Variants in PIP observed in about 807,000 individuals in gnomAD.
The protein encoded by PIP is prolactin induced protein, also known as prolactin-inducible protein.
PIP carries 9 observed loss-of-function variants against 12.8 expected under a neutral mutation model. That is an observed-to-expected ratio of 0.70 (90% CI 0.42 to 1.23). The LOEUF is 1.23. PIP is among the 50% of genes most tolerant of loss of function. The probability of loss-of-function intolerance (pLI) is 0.00; values close to 1 mark genes in which losing one functional copy is unlikely to be tolerated. For missense variants in PIP, 172 were observed against 179.5 expected (o/e 0.96, Z 0.24); for synonymous variants, 60 against 66.1 (o/e 0.91, Z 0.45).
rs1328040943 is a variant in PIP at position 143,138,680 on chromosome 7, ACG to A, written c.202-393_202-392del. On this transcript the variant is annotated intron_variant, in intron 2 of 3. Transcript: ENST00000291009. Reference sequence around the variant, plus strand: ...AACAAGGCCTGACATTGGCTCCTACACGCAAGTGGCCAGGCTGCTGTCTCACC... The same window carrying A: ...AACAAGGCCTGACATTGGCTCCTACACAAGTGGCCAGGCTGCTGTCTCACC... Among the ~76,000 whole-genome samples the A allele has an allele frequency of 1.2e-4, 18 of 152,216 alleles. No homozygotes were observed. The East Asian group carries it at 3.5e-3, about 29-fold the overall frequency.
chr7:143,136,179 T>A (rs1480961118), intron 2 of PIP, among the ~76,000 whole-genome samples: 1 of 151,974 alleles, frequency 6.6e-6, no homozygotes, highest in East Asian at 1.9e-4. Flanking sequence ...TTCCTAGTCA[T>A]TGATCTCAGA....
At position 143,132,105 on chromosome 7, in the gene PIP, G is replaced by A. The variant is rs748732118; in HGVS notation, c.-12G>A. ...ACTTCTCTGGGACACATTGCCTTCT[G>A]TTTTCTCCAGCATGCGCTTGCTCCA... On this transcript the variant is annotated 5_prime_UTR_variant, in exon 1 of 4. Coordinates refer to ENST00000291009, the MANE Select transcript of PIP (RefSeq NM_002652.3). The A allele has an allele frequency of 4.6e-5, 74 of 1,612,774 alleles. 1 individual carries two copies. The highest frequency in any genetic ancestry group is 6.7e-5 in the Admixed American group (4 of 59,928).
intron 1 of PIP, among the ~76,000 whole-genome samples, chr7:143,132,609 A>T (rs190830964): frequency 6.6e-6 from 1 of 152,268 alleles, no homozygotes; most frequent in African/African-American, 2.4e-5. Flanking sequence ...TTCCAATGGC[A>T]GCTTAGGGCA....
chr7:143,133,145 A>C (rs892771747), intron 1 of PIP, among the ~76,000 whole-genome samples: 2 of 151,980 alleles, frequency 1.3e-5, no homozygotes, highest in African/African-American at 4.8e-5. Context: ...AAGCTATGCT[A>C]ATTAGGTTAT....
intron 2 of PIP, among the ~76,000 whole-genome samples, chr7:143,137,476 A>G (rs1799320362): frequency 1.3e-5 from 2 of 152,174 alleles, no homozygotes; most frequent in Non-Finnish European, 2.9e-5. Context: ...TTGAAGAAGT[A>G]CATTAAACTG....
intron 2 of PIP, among the ~76,000 whole-genome samples, chr7:143,138,757 G>T (rs1799335158): frequency 6.6e-6 from 1 of 152,146 alleles, no homozygotes; most frequent in Admixed American, 6.5e-5. Flanking sequence ...ACCTCTGGCT[G>T]GTGACTAAGG....
intron 1 of PIP, among the ~76,000 whole-genome samples, chr7:143,134,731 G>T (rs2116567703): frequency 6.6e-6 from 1 of 152,046 alleles, no homozygotes; most frequent in South Asian, 2.1e-4. Flanking sequence ...GTGGCATGTG[G>T]TATTGTACAT....
At chr7:143,133,739 A>T (rs1269756312) in intron 1 of PIP, among the ~76,000 whole-genome samples, 1 of 152,064 alleles carries the variant, frequency 6.6e-6, no homozygotes, top group Non-Finnish European at 1.5e-5. Flanking sequence ...CCTGGGGACC[A>T]CAGAAGGAGG....
Position 143,132,136 on chromosome 7 carries a change from T to C in PIP, c.20T>C (p.Leu7Pro). Residue 7 changes from leucine (L) to proline (P), a missense_variant, in exon 1 of 4, where the codon CTG becomes CCG. Leu to Pro is a moderately conservative substitution (Grantham distance 98). Coordinates refer to ENST00000291009, the MANE Select transcript of PIP (RefSeq NM_002652.3). The stretch of plus-strand genomic sequence containing the variant: ...TCCAGCATGCGCTTGCTCCAGCTCC[T>C]GTTCAGGGCCAGCCCTGCCACCCTG... Reference protein sequence around the residue: MRLLQLLFRASPATLLL... With the variant: MRLLQLPFRASPATLLL... 6.2e-7 allele frequency: 1 copy of C among 1,612,530 alleles called. No homozygotes were observed. Among genetic ancestry groups the C allele is most frequent in the African/African-American group, 1.3e-5 (1 of 75,028 alleles).
In PIP at chr7:143,139,507, G is replaced by A; in HGVS notation, c.317-11G>A. The A allele has an allele frequency of 1.9e-6, 3 of 1,613,144 alleles. No homozygotes were observed. Among genetic ancestry groups the A allele is most frequent in the Non-Finnish European group, 2.5e-6 (3 of 1,179,164 alleles). On this transcript the variant is annotated splice_polypyrimidine_tract_variant and intron_variant, in intron 3 of 3. Transcript: ENST00000291009. ...TGTCTGAGAGATGATCTCCGTCCCT[G>A]TCTTTTTCAGGAACTGTGCAAATTG...
At chr7:143,133,570 A>T (rs1201665460) in intron 1 of PIP, among the ~76,000 whole-genome samples, 1 of 152,060 alleles carries the variant, frequency 6.6e-6, no homozygotes, top group Non-Finnish European at 1.5e-5. Context: ...GTCCTCATTG[A>T]CTGAAGAAGA....
chr7:143,134,169 T>C (rs1047112250), intron 1 of PIP, among the ~76,000 whole-genome samples: 3 of 131,504 alleles, frequency 2.3e-5, no homozygotes, highest in African/African-American at 8.5e-5. Context: ...TATGGCTGAG[T>C]AGTAGTATTC....
At chr7:143,139,432 C>A in intron 3 of PIP, 86 bp from the exon 4 acceptor site, 1 of 1,526,288 alleles carries the variant, frequency 6.6e-7, no homozygotes, top group Non-Finnish European at 9.0e-7. Flanking sequence ...AAACTGAACC[C>A]CAGGGGGCAG....
Position 143,139,591 on chromosome 7 carries a change from C to T in PIP, c.390C>T (p.Ile130=), listed in dbSNP as rs1348077816. The change falls in exon 4 of 4, where the codon ATC becomes ATT. Residue 130 remains isoleucine, a synonymous_variant. Transcript: ENST00000291009. ...TCTGCCCTGATGATGCTGCTGTAAT[C>T]CCCATCAAAAACAACCGGTTTTATA... ...LGICPDDAAV[I]PIKNNRFYTI... 2 of 1,612,076 alleles carry T rather than the reference C, an allele frequency of 1.2e-6. No homozygotes were observed. The highest frequency in any genetic ancestry group is 1.7e-6 in the Non-Finnish European group (2 of 1,178,252).
At position 143,134,338 on chromosome 7, in the gene PIP, T is replaced by C. The variant is rs1799281792; in HGVS notation, c.96-856T>C. Among the ~76,000 whole-genome samples, 4 of 150,642 alleles carry C rather than the reference T, an allele frequency of 2.7e-5. No individual in the cohort carries two copies. The South Asian group carries it at 8.4e-4, about 32-fold the overall frequency. On this transcript the variant is annotated intron_variant, in intron 1 of 3. Coordinates refer to ENST00000291009, the MANE Select transcript of PIP (RefSeq NM_002652.3). ...TATAAACATGTGTGTGCAAGTATCT[T>C]TTTTGAATAATGACTTCTTTTCCTC...
intron 2 of PIP, among the ~76,000 whole-genome samples, chr7:143,137,673 G>T (rs1180526228): frequency 6.6e-5 from 10 of 152,056 alleles, no homozygotes; most frequent in South Asian, 2.1e-4. Flanking sequence ...GCCAAAGTGG[G>T]CAGATCACCT....
intron 2 of PIP, among the ~76,000 whole-genome samples, chr7:143,137,782 C>A (rs192464557): frequency 6.6e-6 from 1 of 151,898 alleles, no homozygotes; most frequent in Non-Finnish European, 1.5e-5. Flanking sequence ...CACCTGTAAT[C>A]CCAGCTACTC....
At chr7:143,132,359 C>T in intron 1 of PIP, 148 bp downstream of exon 1, 1 of 879,054 alleles carries the variant, frequency 1.1e-6, no homozygotes, top group Non-Finnish European at 1.7e-6. Context: ...TGCCAGGTTC[C>T]ACTTCTTGTC....
chr7:143,135,360 A>G (rs1799298668), intron 2 of PIP, 61 bp downstream of exon 2: 2 of 753,204 alleles, frequency 2.7e-6, no homozygotes, highest in African/African-American at 3.5e-5. Context: ...TTATAAACAT[A>G]ATTTAATCTC....
Sources: gnomAD v4.1 joint callset for allele counts (sites outside exome capture counted in the v4.1 genomes callset) on GRCh38, gnomAD v4.1.1 for gene constraint, MANE v1.5 for transcripts, NCBI Gene and HGNC (gene_info 2026-07-23, HGNC 2026-07-21) for gene names.